Variants in HS3ST5 observed in about 807,000 individuals in gnomAD.
HS3ST5 encodes the protein heparan sulfate glucosamine 3-O-sulfotransferase 5.
Under a neutral mutation model 25.4 loss-of-function variants are expected in HS3ST5, and 10 were observed. The ratio of observed to expected loss-of-function variants is 0.39; its 90% CI spans 0.24 to 0.67. HS3ST5 has a LOEUF of 0.67. HS3ST5 is among the 30% of genes least tolerant of loss of function. The pLI, the probability that HS3ST5 is intolerant of heterozygous loss-of-function variation, is 0.44. For missense variants in HS3ST5, 324 were observed against 420.7 expected, an observed-to-expected ratio of 0.77 and a Z score of 2.01; for synonymous variants, 170 against 162.4, an observed-to-expected ratio of 1.05 and a Z score of -0.36.
chr6:114,180,316 G>T (rs1354202562), intron 2 of HS3ST5, among the ~76,000 whole-genome samples: 2 of 152,064 alleles, frequency 1.3e-5, no homozygotes, highest in African/African-American at 4.8e-5. Context: ...TGTCACGCTG[G>T]TGAGGTCTTT....
chr6:114,130,172 A>C (rs1041927441), intron 3 of HS3ST5, among the ~76,000 whole-genome samples: 4 of 152,256 alleles, frequency 2.6e-5, no homozygotes, highest in Non-Finnish European at 4.4e-5. Context: ...CAATTAAATA[A>C]GAATTTTAAA....
At chr6:114,230,619 A>G (rs1212378771) in intron 1 of HS3ST5, among the ~76,000 whole-genome samples, 2 of 142,966 alleles carry the variant, frequency 1.4e-5, no homozygotes, top group Admixed American at 1.4e-4. Flanking sequence ...TTTGAGACAG[A>G]GTCCCACCCC....
At chr6:114,137,034 C>T (rs1777651094) in intron 3 of HS3ST5, among the ~76,000 whole-genome samples, 1 of 152,178 alleles carries the variant, frequency 6.6e-6, no homozygotes, top group African/African-American at 2.4e-5. Flanking sequence ...TGCTGAAGAA[C>T]TATTGCCAAT....
At chr6:114,098,105 C>T (rs1775540375) in intron 3 of HS3ST5, among the ~76,000 whole-genome samples, 1 of 151,972 alleles carries the variant, frequency 6.6e-6, no homozygotes. Context: ...CTTTCTAATT[C>T]AGACGTTTTA....
chr6:114,181,542 G>C (rs1055241095), intron 2 of HS3ST5, among the ~76,000 whole-genome samples: 1 of 152,094 alleles, frequency 6.6e-6, no homozygotes, highest in Non-Finnish European at 1.5e-5. Context: ...CAGAAATATA[G>C]TCTGACCTAG....
intron 3 of HS3ST5, among the ~76,000 whole-genome samples, chr6:114,111,968 T>G (rs1311598226): frequency 6.6e-6 from 1 of 152,162 alleles, no homozygotes; most frequent in Non-Finnish European, 1.5e-5. Context: ...ATGACTAGTG[T>G]GTTTCCTCCT....
Position 114,316,047 on chromosome 6 carries a change from C to T in HS3ST5, c.-339+26148G>A, listed in dbSNP as rs117740608. Reference sequence around the variant, plus strand: ...AGCTGCCAAGGCTTTGAAAACATACCATCTTTTCATTCATGCTGCAATCTA... The same window carrying T: ...AGCTGCCAAGGCTTTGAAAACATACTATCTTTTCATTCATGCTGCAATCTA... On this transcript the variant is annotated intron_variant, in intron 1 of 4. Transcript: ENST00000312719. 5.9e-5 allele frequency among the ~76,000 whole-genome samples: 9 copies of T among 152,196 alleles called. No homozygotes were observed. In the East Asian group the frequency reaches 1.2e-3, roughly 20 times the overall value.
intron 3 of HS3ST5, among the ~76,000 whole-genome samples, chr6:114,115,659 C>G (rs1462519373): frequency 6.6e-6 from 1 of 152,014 alleles, no homozygotes; most frequent in Admixed American, 6.6e-5. Context: ...TTCAAATGTC[C>G]AGAAAGACAC....
At chr6:114,061,832 C>T (rs1443965056) in intron 4 of HS3ST5, among the ~76,000 whole-genome samples, 1 of 152,140 alleles carries the variant, frequency 6.6e-6, no homozygotes, top group African/African-American at 2.4e-5. Flanking sequence ...CCTGCAATCA[C>T]AGCTACTTGG....
chr6:114,120,893 T>G (rs1278708554), intron 3 of HS3ST5, among the ~76,000 whole-genome samples: 1 of 152,222 alleles, frequency 6.6e-6, no homozygotes, highest in Non-Finnish European at 1.5e-5. Flanking sequence ...GTCTTACATA[T>G]TTCTTTTTTC....
chr6:114,281,253 C>T (rs1046658474), intron 1 of HS3ST5, among the ~76,000 whole-genome samples: 6 of 151,964 alleles, frequency 3.9e-5, no homozygotes, highest in South Asian at 2.1e-4. Context: ...CAAGAATCTT[C>T]AATTAAAATA....
chr6:114,292,548 G>A (rs1774627025), intron 1 of HS3ST5, among the ~76,000 whole-genome samples: 1 of 152,218 alleles, frequency 6.6e-6, no homozygotes, highest in South Asian at 2.1e-4. Context: ...AACCACAGCA[G>A]ATGGATATTC....
chr6:114,233,837 A>G (rs1284763295), intron 1 of HS3ST5, among the ~76,000 whole-genome samples: 2 of 152,216 alleles, frequency 1.3e-5, no homozygotes, highest in Non-Finnish European at 2.9e-5. Context: ...TAGGTATGAA[A>G]TTCTAGCCTA....
At chr6:114,229,129 G>T (rs1771449726) in intron 1 of HS3ST5, among the ~76,000 whole-genome samples, 1 of 152,098 alleles carries the variant, frequency 6.6e-6, no homozygotes, top group African/African-American at 2.4e-5. Context: ...TTTACATGAG[G>T]CTCTATCACC....
At chr6:114,314,579 T>C (rs562882329) in intron 1 of HS3ST5, among the ~76,000 whole-genome samples, 7 of 152,328 alleles carry the variant, frequency 4.6e-5, no homozygotes, top group Admixed American at 4.6e-4. Context: ...CTGAAGTTCA[T>C]AGAAAGAGCT....
intron 1 of HS3ST5, among the ~76,000 whole-genome samples, chr6:114,327,512 T>A (rs961878689): frequency 6.6e-6 from 1 of 152,212 alleles, no homozygotes; most frequent in African/African-American, 2.4e-5. Context: ...ATAGCATTTA[T>A]AATGGCAAAT....
At chr6:114,261,870 G>A (rs535574435) in intron 1 of HS3ST5, among the ~76,000 whole-genome samples, 1 of 152,284 alleles carries the variant, frequency 6.6e-6, no homozygotes, top group African/African-American at 2.4e-5. Context: ...TAGTTATGGA[G>A]GGCCTCAGTA....
chr6:114,083,834 C>T (rs570413359), intron 3 of HS3ST5, among the ~76,000 whole-genome samples: 3 of 152,128 alleles, frequency 2.0e-5, no homozygotes, highest in Admixed American at 6.5e-5. Context: ...GTATGCTAAA[C>T]CTTCTTACAC....
intron 2 of HS3ST5, among the ~76,000 whole-genome samples, chr6:114,204,972 T>G (rs1240669164): frequency 6.6e-6 from 1 of 152,190 alleles, no homozygotes; most frequent in East Asian, 1.9e-4. Flanking sequence ...GGTATCATAC[T>G]GGCCATGCAC....
Sources: gnomAD v4.1 joint callset for allele counts (sites outside exome capture counted in the v4.1 genomes callset) on GRCh38, gnomAD v4.1.1 for gene constraint, MANE v1.5 for transcripts, NCBI Gene and HGNC (gene_info 2026-07-23, HGNC 2026-07-21) for gene names.